CNPY1: variants seen among roughly 807,000 people sequenced by gnomAD.
CNPY1 encodes the protein protein canopy homolog 1.
In CNPY1, 14 loss-of-function variants were observed where a neutral mutation model predicts 14.4. The ratio of observed to expected loss-of-function variants is 0.97; its 90% CI spans 0.64 to 1.52. The LOEUF is 1.52. CNPY1 is among the 40% of genes most tolerant of loss of function. The probability of loss-of-function intolerance (pLI) is 0.00; values close to 1 mark genes in which losing one functional copy is unlikely to be tolerated. For missense variants in CNPY1, 129 were observed against 131.5 expected, an observed-to-expected ratio of 0.98 and a Z score of 0.09; for synonymous variants, 43 against 46.5, an observed-to-expected ratio of 0.92 and a Z score of 0.31.
At chr7:155,526,212 T>C (rs1796816016) in intron 2 of CNPY1, among the ~76,000 whole-genome samples, 1 of 152,244 alleles carries the variant, frequency 6.6e-6, no homozygotes. Flanking sequence ...ACAGTGTCAT[T>C]CCAACTCAGT....
chr7:155,535,257 G>A lies in CNPY1; in HGVS notation c.99+10574C>T, dbSNP rs571071034. Reference sequence around the variant, plus strand: ...GTGCCAGGGCTTCAATCATCATGGAGTATTAATGCCAGCTGTTCCTATGTG... The same window carrying A: ...GTGCCAGGGCTTCAATCATCATGGAATATTAATGCCAGCTGTTCCTATGTG... On this transcript the variant is annotated intron_variant, in intron 2 of 4. Transcript: ENST00000636446. 8.1e-4 allele frequency among the ~76,000 whole-genome samples: 124 copies of A among 152,356 alleles called. 1 individual carries two copies. Among genetic ancestry groups the A allele is most frequent in the Non-Finnish European group, 1.5e-4 (10 of 68,040 alleles).
chr7:155,537,442 A>T (rs1209379767), intron 2 of CNPY1, among the ~76,000 whole-genome samples: 14 of 123,422 alleles, frequency 1.1e-4, no homozygotes, highest in African/African-American at 3.8e-4. Context: ...TTTTTTTTTG[A>T]GACGGAGTTT....
chr7:155,542,093 C>T (rs1042974397), intron 2 of CNPY1, among the ~76,000 whole-genome samples: 1 of 152,298 alleles, frequency 6.6e-6, no homozygotes, highest in Middle Eastern at 3.4e-3. Context: ...GTGCAGAACA[C>T]GTGCAGTGGG....
intron 2 of CNPY1, among the ~76,000 whole-genome samples, chr7:155,511,892 C>T (rs748614683): frequency 9.9e-5 from 15 of 152,160 alleles, no homozygotes; most frequent in Non-Finnish European, 1.9e-4. Flanking sequence ...CATTACAGCT[C>T]TTTATACATT....
At chr7:155,508,705 AG>A (rs1362319163) in intron 3 of CNPY1, among the ~76,000 whole-genome samples, 188 bp downstream of exon 3, 1 of 152,246 alleles carries the variant, frequency 6.6e-6, no homozygotes, top group African/African-American at 2.4e-5. Flanking sequence ...GTGTCTCAAA[AG>A]TCAAGTTACT....
intron 2 of CNPY1, among the ~76,000 whole-genome samples, chr7:155,514,664 A>G (rs1480795929): frequency 6.6e-6 from 1 of 152,112 alleles, no homozygotes; most frequent in Non-Finnish European, 1.5e-5. Flanking sequence ...GAAGGCCGAG[A>G]TGGGTGGATC....
chr7:155,516,011 G>C (rs2116704724), intron 2 of CNPY1, among the ~76,000 whole-genome samples: 1 of 62,882 alleles, frequency 1.6e-5, no homozygotes, highest in South Asian at 3.7e-4. Flanking sequence ...GTGCACGCGT[G>C]TGTGTGTCCC....
At chr7:155,546,348 G>C in intron 1 of CNPY1, 81 bp downstream of exon 1, 2 of 365,318 alleles carry the variant, frequency 5.5e-6, no homozygotes, top group Admixed American at 1.1e-4. Context: ...GCCACACCCG[G>C]CTAATTTTTT....
At chr7:155,531,047 C>G (rs141296127) in intron 2 of CNPY1, among the ~76,000 whole-genome samples, 177 of 152,316 alleles carry the variant, frequency 1.2e-3, no homozygotes, top group African/African-American at 4.1e-3. Flanking sequence ...CTTGGCCTTC[C>G]GCATAGTTTT....
At chr7:155,527,648 C>A (rs1796854737) in intron 2 of CNPY1, among the ~76,000 whole-genome samples, 1 of 150,134 alleles carries the variant, frequency 6.7e-6, no homozygotes, top group Non-Finnish European at 1.5e-5. Flanking sequence ...GACAGGATCT[C>A]CCTGTGTTGC....
chr7:155,541,074 G>A (rs563694094), intron 2 of CNPY1, among the ~76,000 whole-genome samples: 6 of 152,306 alleles, frequency 3.9e-5, no homozygotes, highest in Non-Finnish European at 7.4e-5. Context: ...AGGAGCTACC[G>A]AGTGAAGACA....
intron 2 of CNPY1, among the ~76,000 whole-genome samples, chr7:155,539,054 A>G (rs1384575065): frequency 6.9e-6 from 1 of 143,978 alleles, no homozygotes; most frequent in Non-Finnish European, 1.5e-5. Context: ...GTCGCTCCCC[A>G]CCCCACCCTG....
rs1796608598 is a variant in CNPY1, at chr7:155,515,679, T to G, written c.100-6582A>C. On this transcript the variant is annotated intron_variant, in intron 2 of 4. Coordinates refer to ENST00000636446, the MANE Select transcript of CNPY1 (RefSeq NM_001393663.1). Reference sequence around the variant, plus strand: ...GGTGCATCTCTTGGCAGATTTGTGCTGCTGACTAGGAGTGCTGGGGAAAGG... The same window carrying G: ...GGTGCATCTCTTGGCAGATTTGTGCGGCTGACTAGGAGTGCTGGGGAAAGG... 2.0e-5 allele frequency among the ~76,000 whole-genome samples: 3 copies of G among 152,164 alleles called. No individual in the cohort carries two copies. The South Asian group carries it at 6.2e-4, about 32-fold the overall frequency.
intron 2 of CNPY1, chr7:155,533,770 T>C (rs1796984604): frequency 6.6e-6 from 1 of 152,262 alleles, no homozygotes; most frequent in African/African-American, 2.4e-5. Flanking sequence ...CTGCTCCCTG[T>C]AGTACAGTCC....
intron 4 of CNPY1, among the ~76,000 whole-genome samples, chr7:155,503,794 G>A (rs1796203401): frequency 1.3e-5 from 2 of 152,140 alleles, no homozygotes; most frequent in Non-Finnish European, 1.5e-5. Context: ...GGTTTGATGT[G>A]GAAGCAGAAG....
At chr7:155,524,845 TG>T (rs1214059673) in intron 2 of CNPY1, among the ~76,000 whole-genome samples, 1 of 146,248 alleles carries the variant, frequency 6.8e-6, no homozygotes, top group Admixed American at 6.8e-5. Flanking sequence ...CCATAAATGT[TG>T]GGGACCGCTG....
chr7:155,538,890 T>C (rs1364718507), intron 2 of CNPY1, among the ~76,000 whole-genome samples: 2 of 152,062 alleles, frequency 1.3e-5, no homozygotes, highest in African/African-American at 4.8e-5. Context: ...GAGTGTGAGC[T>C]CCTATGGGGG....
intron 2 of CNPY1, among the ~76,000 whole-genome samples, chr7:155,518,893 T>C (rs1380710577): frequency 1.3e-5 from 2 of 152,088 alleles, no homozygotes; most frequent in African/African-American, 4.8e-5. Context: ...CAGGAAGAAA[T>C]GCCGGGAAGA....
chr7:155,518,100 G>A (rs73163386), intron 2 of CNPY1, among the ~76,000 whole-genome samples: 3,446 of 152,164 alleles, frequency 0.023, 75 homozygotes, highest in Non-Finnish European at 0.034. Flanking sequence ...TCTCTCTGCC[G>A]AAACCCTTCT....
Sources: gnomAD v4.1 joint callset for allele counts (sites outside exome capture counted in the v4.1 genomes callset) on GRCh38, gnomAD v4.1.1 for gene constraint, MANE v1.5 for transcripts, NCBI Gene and HGNC (gene_info 2026-07-23, HGNC 2026-07-21) for gene names.